NLK: variants seen among roughly 807,000 people sequenced by gnomAD.
The protein encoded by NLK is nemo like kinase, also known as serine/threonine-protein kinase NLK.
A neutral mutation model predicts 59.0 loss-of-function variants in NLK; 11 were observed. The ratio of observed to expected loss-of-function variants is 0.19; its 90% CI spans 0.12 to 0.31. The LOEUF (loss-of-function observed/expected upper bound fraction) is 0.31, where lower values mean the gene tolerates loss of function less well. NLK is among the 10% of genes least tolerant of loss of function. The pLI, the probability that NLK is intolerant of heterozygous loss-of-function variation, is 1.00. For synonymous variants in NLK, 235 were observed against 235.9 expected, an observed-to-expected ratio of 1.00 and a Z score of 0.03; for missense variants, 410 against 661.1, an observed-to-expected ratio of 0.62 and a Z score of 4.16.
At chr17:28,176,709 A>G (rs1908694984) in intron 7 of NLK, among the ~76,000 whole-genome samples, 1 of 152,208 alleles carries the variant, frequency 6.6e-6, no homozygotes, top group African/African-American at 2.4e-5. Context: ...TATAAAATAA[A>G]ATTAAAATTT....
At chr17:28,143,418 T>A (rs1907099417) in intron 3 of NLK, among the ~76,000 whole-genome samples, 1 of 152,200 alleles carries the variant, frequency 6.6e-6, no homozygotes, top group African/African-American at 2.4e-5. Context: ...TTTAATATTG[T>A]AAGATTTCTT....
chr17:28,202,006 ACT>A, the NLK span, among the ~76,000 whole-genome samples: 3 of 151,972 alleles, frequency 2.0e-5, no homozygotes, highest in Non-Finnish European at 4.4e-5. Flanking sequence ...ACAGAGCGAG[ACT>A]CTGTCTCAAA....
At chr17:28,064,808 T>C (rs1346445665) in intron 1 of NLK, among the ~76,000 whole-genome samples, 3 of 152,242 alleles carry the variant, frequency 2.0e-5, no homozygotes, top group Admixed American at 1.3e-4. Flanking sequence ...CTGCTTTGTG[T>C]CTCAGCTTTC....
At chr17:28,059,611 TTC>T (rs1475603037) in intron 1 of NLK, among the ~76,000 whole-genome samples, 1 of 152,234 alleles carries the variant, frequency 6.6e-6, no homozygotes, top group Non-Finnish European at 1.5e-5. Context: ...AAGCTCTTTA[TTC>T]TGTTTTATAA....
intron 1 of NLK, among the ~76,000 whole-genome samples, chr17:28,109,987 A>G (rs1905391574): frequency 6.6e-6 from 1 of 152,240 alleles, no homozygotes; most frequent in South Asian, 2.1e-4. Flanking sequence ...CATTGAATCT[A>G]TAAGTCACTA....
At chr17:28,146,407 C>T (rs74791550) in intron 3 of NLK, among the ~76,000 whole-genome samples, 804 of 63,422 alleles carry the variant, frequency 0.013, 12 homozygotes, top group African/African-American at 0.051. Context: ...ATGATGATGA[C>T]GATGATGATG....
chr17:28,048,909 C>T (rs1478708812), intron 1 of NLK: 1 of 152,214 alleles, frequency 6.6e-6, no homozygotes, highest in African/African-American at 2.4e-5. Context: ...TGGACAGAAG[C>T]TGTTAGAAGC....
At chr17:28,190,947 G>A (rs912808455) in intron 8 of NLK, 74 bp from the exon 9 acceptor site, 25 of 1,048,764 alleles carry the variant, frequency 2.4e-5, no homozygotes, top group African/African-American at 3.2e-5. Context: ...CAGTTAATGT[G>A]TCTTTTGAAA....
At chr17:28,079,125 G>A (rs868104122) in intron 1 of NLK, among the ~76,000 whole-genome samples, 1 of 152,144 alleles carries the variant, frequency 6.6e-6, no homozygotes, top group Non-Finnish European at 1.5e-5. Flanking sequence ...GAATCATGCA[G>A]TATTTGTCTT....
chr17:28,102,053 T>C (rs909146062), intron 1 of NLK, among the ~76,000 whole-genome samples: 1 of 152,202 alleles, frequency 6.6e-6, no homozygotes, highest in African/African-American at 2.4e-5. Context: ...TATGATTGGG[T>C]ATTGTTTCTT....
At chr17:28,099,590 G>A (rs913245077) in intron 1 of NLK, among the ~76,000 whole-genome samples, 3 of 30,012 alleles carry the variant, frequency 1.0e-4, no homozygotes, top group South Asian at 9.5e-4. Context: ...TTTTTTTTTT[G>A]AGACGGAGTC....
intron 1 of NLK, among the ~76,000 whole-genome samples, chr17:28,049,208 A>C (rs1424373315): frequency 6.6e-6 from 1 of 152,242 alleles, no homozygotes; most frequent in African/African-American, 2.4e-5. Flanking sequence ...ATGACTTCTA[A>C]GTGAACTCTA....
intron 1 of NLK, among the ~76,000 whole-genome samples, chr17:28,056,819 T>C (rs1425162905): frequency 6.6e-6 from 1 of 152,168 alleles, no homozygotes; most frequent in African/African-American, 2.4e-5. Context: ...TTTGAGCATA[T>C]CATTCCCCTA....
At chr17:28,090,839 T>G (rs1307142054) in intron 1 of NLK, among the ~76,000 whole-genome samples, 1 of 152,348 alleles carries the variant, frequency 6.6e-6, no homozygotes, top group East Asian at 1.9e-4. Context: ...CTATAATCCT[T>G]ATCTTTGTTC....
chr17:28,121,037 A>G (rs539744763), intron 1 of NLK, among the ~76,000 whole-genome samples: 2 of 152,298 alleles, frequency 1.3e-5, no homozygotes, highest in African/African-American at 4.8e-5. Context: ...CTAAACTTTA[A>G]TTAATAACTT....
intron 3 of NLK, among the ~76,000 whole-genome samples, chr17:28,139,370 AAAAC>A (rs1372938636): frequency 6.6e-6 from 1 of 152,242 alleles, no homozygotes; most frequent in Admixed American, 6.5e-5. Flanking sequence ...ATTTAAAACA[AAAAC>A]AAAAACTTTC....
intron 1 of NLK, among the ~76,000 whole-genome samples, chr17:28,096,271 T>C (rs1904697990): frequency 6.6e-6 from 1 of 152,142 alleles, no homozygotes; most frequent in African/African-American, 2.4e-5. Flanking sequence ...CATAAGTCCT[T>C]GATTCTACTA....
chr17:28,045,294 TCTC>T (rs1909012669), intron 1 of NLK, among the ~76,000 whole-genome samples: 2 of 152,244 alleles, frequency 1.3e-5, no homozygotes, highest in African/African-American at 4.8e-5. Flanking sequence ...GTAATCCTTT[TCTC>T]CTCAGCGCCT....
rs1909470889 is a variant in NLK at position 28,195,919 on chromosome 17, G to A, written c.*1283G>A. ...TGAAGATCATTTTTCACCTGTACAAGGAATACTAATGGATCGTCTTAAAAT... is the reference window on the plus strand; with the variant it reads ...TGAAGATCATTTTTCACCTGTACAAAGAATACTAATGGATCGTCTTAAAAT... On this transcript the variant is annotated 3_prime_UTR_variant, in exon 11 of 11. Transcript: ENST00000407008. 6.6e-6 allele frequency: 1 copy of A among 152,434 alleles called. No individual in the cohort carries two copies. Among genetic ancestry groups the A allele is most frequent in the African/African-American group, 2.4e-5 (1 of 41,374 alleles). 9.4% of individuals were successfully genotyped at this position (152,434 alleles called of 1,614,324 possible).
Sources: gnomAD v4.1 joint callset for allele counts (sites outside exome capture counted in the v4.1 genomes callset) on GRCh38, gnomAD v4.1.1 for gene constraint, MANE v1.5 for transcripts, NCBI Gene and HGNC (gene_info 2026-07-23, HGNC 2026-07-21) for gene names.